AGPAT4: variants seen among roughly 807,000 people sequenced by gnomAD.
The protein encoded by AGPAT4 is 1-acyl-sn-glycerol-3-phosphate acyltransferase delta.
Under a neutral mutation model 48.0 loss-of-function variants are expected in AGPAT4, and 15 were observed. That is an observed-to-expected ratio of 0.31 (90% CI 0.21 to 0.48). The LOEUF is 0.48. Among genes scored for constraint, AGPAT4 ranks in the 20% least tolerant of loss-of-function variants. AGPAT4 has a pLI of 0.99. For missense variants in AGPAT4, 314 were observed against 482.5 expected (o/e 0.65, Z 3.27); for synonymous variants, 178 against 198.7 (o/e 0.90, Z 0.88).
Position 161,147,114 on chromosome 6 carries a change from G to T in AGPAT4, c.768-515C>A, listed in dbSNP as rs1779454327. ...AGCCTTGAGGCAGACTTTCTGCAAA[G>T]GTTTTGACAAGTCAGTGATGTGGAT... On this transcript the variant is annotated intron_variant, in intron 6 of 8. Coordinates refer to ENST00000320285, the MANE Select transcript of AGPAT4 (RefSeq NM_020133.3). This position sits in a 1 kb window ranked among gnomAD's most constrained non-coding sequence, Gnocchi z 4.8. Among the ~76,000 whole-genome samples the T allele has an allele frequency of 6.6e-6, 1 of 152,196 alleles. No individual in the cohort carries two copies. The highest frequency in any genetic ancestry group is 2.1e-4 in the South Asian group (1 of 4,816).
intron 5 of AGPAT4, among the ~76,000 whole-genome samples, chr6:161,150,441 C>T (rs115556312): frequency 2.7e-4 from 41 of 152,336 alleles, no homozygotes; most frequent in African/African-American, 9.6e-4. Context: ...AGACACTTCA[C>T]TGGGAGCTTT....
At chr6:161,175,873 C>T (rs1180089622) in intron 2 of AGPAT4, among the ~76,000 whole-genome samples, 3 of 152,064 alleles carry the variant, frequency 2.0e-5, no homozygotes, top group African/African-American at 7.2e-5. Flanking sequence ...CATCTTTATT[C>T]CCACCTTCAT....
rs1782803277 is a variant in AGPAT4, at chr6:161,251,548, C to G, written c.-89-19246G>C. Among the ~76,000 whole-genome samples the G allele has an allele frequency of 6.6e-6, 1 of 152,198 alleles. No individual in the cohort carries two copies. The highest frequency in any genetic ancestry group is 1.5e-5 in the Non-Finnish European group (1 of 68,034). On this transcript the variant is annotated intron_variant, in intron 1 of 8. Transcript: ENST00000320285. This position sits in a 1 kb window ranked among gnomAD's most constrained non-coding sequence, Gnocchi z 4.6. Reference sequence around the variant, plus strand: ...CTCCACCTGATCTCCTCTTCCTCTCCCAGAGGCTGCACAACGTTACCCTGC... The same window carrying G: ...CTCCACCTGATCTCCTCTTCCTCTCGCAGAGGCTGCACAACGTTACCCTGC...
rs977474499 is a variant in AGPAT4 at position 161,196,060 on chromosome 6, A to G, written c.179-29643T>C. ...CAGGACTTTAGGATTTGCATAACTT[A>G]ATGAGGCTTAATGACCCACCATCCC... On this transcript the variant is annotated intron_variant, in intron 2 of 8. Coordinates refer to ENST00000320285, the MANE Select transcript of AGPAT4 (RefSeq NM_020133.3). The surrounding 1 kb of genome is among the most constrained non-coding windows in gnomAD (Gnocchi z 4.3). 6.6e-6 allele frequency among the ~76,000 whole-genome samples: 1 copy of G among 152,156 alleles called. No individual in the cohort carries two copies. Among genetic ancestry groups the G allele is most frequent in the Admixed American group, 6.5e-5 (1 of 15,278 alleles).
At chr6:161,190,312 G>A (rs770823621) in intron 2 of AGPAT4, among the ~76,000 whole-genome samples, 5 of 152,188 alleles carry the variant, frequency 3.3e-5, no homozygotes, top group South Asian at 4.1e-4. Context: ...GTGAGAGAGA[G>A]AGAGACTGAA....
At position 161,215,239 on chromosome 6, in the gene AGPAT4, T is replaced by C. The variant is rs1229618256; in HGVS notation, c.178+16797A>G. 6.6e-6 allele frequency among the ~76,000 whole-genome samples: 1 copy of C among 152,218 alleles called. No individual in the cohort carries two copies. The highest frequency in any genetic ancestry group is 1.5e-5 in the Non-Finnish European group (1 of 68,038). On this transcript the variant is annotated intron_variant, in intron 2 of 8. Coordinates refer to ENST00000320285, the MANE Select transcript of AGPAT4 (RefSeq NM_020133.3). The surrounding 1 kb of genome is among the most constrained non-coding windows in gnomAD (Gnocchi z 4.5). ...ACTCTTCCATAACTCATACACTGCA[T>C]GTGTTGTAATCTGTTGCCTAGTTAG...
Position 161,147,866 on chromosome 6 carries a change from T to C in AGPAT4, c.768-1267A>G, listed in dbSNP as rs1427797046. On this transcript the variant is annotated intron_variant, in intron 6 of 8. Transcript: ENST00000320285. The surrounding 1 kb of genome is among the most constrained non-coding windows in gnomAD (Gnocchi z 4.8). Reference sequence around the variant, plus strand: ...TTTCAGTGCTTTGTACTGATGTGTGTTCAGAAACATGCCTCAATCATTTTT... The same window carrying C: ...TTTCAGTGCTTTGTACTGATGTGTGCTCAGAAACATGCCTCAATCATTTTT... Among the ~76,000 whole-genome samples the C allele has an allele frequency of 6.6e-6, 1 of 152,234 alleles. No homozygotes were observed. Among genetic ancestry groups the C allele is most frequent in the African/African-American group, 2.4e-5 (1 of 41,462 alleles).
intron 2 of AGPAT4, among the ~76,000 whole-genome samples, chr6:161,224,025 T>G (rs1000225720): frequency 1.3e-5 from 2 of 152,202 alleles, no homozygotes; most frequent in African/African-American, 4.8e-5. Flanking sequence ...CATCTATCAT[T>G]CCAGTATCAT....
At position 161,141,479 on chromosome 6, in the gene AGPAT4, C is replaced by T. The variant is rs996431408; in HGVS notation, c.844-1859G>A. Among the ~76,000 whole-genome samples, 10 of 152,136 alleles carry T rather than the reference C, an allele frequency of 6.6e-5. No homozygotes were observed. Among genetic ancestry groups the T allele is most frequent in the South Asian group, 2.1e-4 (1 of 4,830 alleles). ...GCACCCAACTCTGCCAGGGAAGCAG[C>T]GGCATTCGCCTGCCCACCAGAACGG... On this transcript the variant is annotated intron_variant, in intron 7 of 8. Coordinates refer to ENST00000320285, the MANE Select transcript of AGPAT4 (RefSeq NM_020133.3). This position sits in a 1 kb window ranked among gnomAD's most constrained non-coding sequence, Gnocchi z 6.7.
chr6:161,209,701 C>T (rs901198881), intron 2 of AGPAT4, among the ~76,000 whole-genome samples: 2 of 152,144 alleles, frequency 1.3e-5, no homozygotes, highest in Non-Finnish European at 2.9e-5. Context: ...CAAAAGAGCA[C>T]GGAATGGGTC....
Position 161,155,708 on chromosome 6 carries a change from C to G in AGPAT4, c.349-1398G>C, listed in dbSNP as rs1779749460. On this transcript the variant is annotated intron_variant, in intron 3 of 8. Coordinates refer to ENST00000320285, the MANE Select transcript of AGPAT4 (RefSeq NM_020133.3). The surrounding 1 kb of genome is among the most constrained non-coding windows in gnomAD (Gnocchi z 5.8). The stretch of plus-strand genomic sequence containing the variant: ...GAAAACTTAGCCATGAAATCGGAGG[C>G]CCTATCTCCAGGGGACTCCGGGAAC... 2.6e-5 allele frequency among the ~76,000 whole-genome samples: 4 copies of G among 152,344 alleles called. No homozygotes were observed. In the South Asian group the frequency reaches 8.3e-4, roughly 32 times the overall value.
At chr6:161,213,915 A>T (rs1385544296) in intron 2 of AGPAT4, among the ~76,000 whole-genome samples, 2 of 152,190 alleles carry the variant, frequency 1.3e-5, no homozygotes, top group African/African-American at 4.8e-5. Context: ...AAAATTTTTT[A>T]AAGTGGGGGT....
chr6:161,153,585 C>A, intron 4 of AGPAT4, 86 bp from the exon 5 acceptor site: 3 of 1,505,896 alleles, frequency 2.0e-6, no homozygotes, highest in South Asian at 1.2e-5. Context: ...TCACACACAG[C>A]CCCAGGGTCA....
chr6:161,224,752 A>T (rs981563592), intron 2 of AGPAT4, among the ~76,000 whole-genome samples: 9 of 152,076 alleles, frequency 5.9e-5, no homozygotes, highest in Non-Finnish European at 1.2e-4. Flanking sequence ...AATGCCTGAC[A>T]CATATTAGGT....
chr6:161,181,498 G>C (rs1780587891), intron 2 of AGPAT4, among the ~76,000 whole-genome samples: 1 of 148,404 alleles, frequency 6.7e-6, no homozygotes. Flanking sequence ...ACACGGTGGG[G>C]GTAGCAGGGG....
In AGPAT4 at chr6:161,226,714, T is replaced by C. The variant is rs1019076168; in HGVS notation, c.178+5322A>G. 2.0e-5 allele frequency among the ~76,000 whole-genome samples: 3 copies of C among 152,220 alleles called. No individual in the cohort carries two copies. The highest frequency in any genetic ancestry group is 7.2e-5 in the African/African-American group (3 of 41,446). ...ATGAAAGCAGATGATAGCACATTGA[T>C]GTGGCCAGGATTCCCCACAGAGAGG... On this transcript the variant is annotated intron_variant, in intron 2 of 8. Coordinates refer to ENST00000320285, the MANE Select transcript of AGPAT4 (RefSeq NM_020133.3). This position sits in a 1 kb window ranked among gnomAD's most constrained non-coding sequence, Gnocchi z 6.3.
At chr6:161,252,368 T>C (rs113334464) in intron 1 of AGPAT4, among the ~76,000 whole-genome samples, 263 of 152,332 alleles carry the variant, frequency 1.7e-3, no homozygotes, top group Non-Finnish European at 2.9e-3. Flanking sequence ...ATTCTGTGTG[T>C]CTTGAATTCT....
intron 7 of AGPAT4, among the ~76,000 whole-genome samples, chr6:161,145,787 A>G (rs1779403087): frequency 6.6e-6 from 1 of 151,730 alleles, no homozygotes; most frequent in Non-Finnish European, 1.5e-5. Context: ...AATCCTATAG[A>G]ATATATCTGA....
intron 2 of AGPAT4, among the ~76,000 whole-genome samples, chr6:161,174,793 T>C (rs571180298): frequency 2.0e-5 from 3 of 152,354 alleles, no homozygotes; most frequent in East Asian, 1.9e-4. Flanking sequence ...CTGCCATAAA[T>C]AGCTCTTATG....
Sources: allele counts gnomAD v4.1 joint callset (sites outside exome capture counted in the v4.1 genomes callset), GRCh38; gene constraint gnomAD v4.1.1; non-coding constraint Gnocchi (gnomAD v3.1); transcripts MANE v1.5; gene names NCBI Gene and HGNC (gene_info 2026-07-23, HGNC 2026-07-21).